TBC1D5: variants seen among roughly 807,000 people sequenced by gnomAD.
TBC1D5 encodes the protein TBC1 domain family member 5.
TBC1D5 carries 75 observed loss-of-function variants against 100.3 expected under a neutral mutation model. The observed-to-expected ratio is 0.75, with a 90% CI of 0.62 to 0.91. The LOEUF (loss-of-function observed/expected upper bound fraction) is 0.91, where lower values mean the gene tolerates loss of function less well. Among genes scored for constraint, TBC1D5 ranks in the 40% least tolerant of loss-of-function variants. The pLI is 0.00. For synonymous variants in TBC1D5, 323 were observed against 325.6 expected (o/e 0.99, Z 0.09); for missense variants, 910 against 942.4 (o/e 0.97, Z 0.45).
At chr3:17,512,611 T>C (rs1426220963) in intron 2 of TBC1D5, among the ~76,000 whole-genome samples, 1 of 152,188 alleles carries the variant, frequency 6.6e-6, no homozygotes, top group Non-Finnish European at 1.5e-5. Context: ...GAAGAATTAT[T>C]TTAAATAAAA....
At chr3:17,214,328 C>G in exon 18 of TBC1D5, 1 of 1,613,222 alleles carries the variant, frequency 6.2e-7, no homozygotes, top group Non-Finnish European at 8.5e-7. Context: ...TCCAGGCAAA[C>G]TCTCAACGCT....
chr3:17,616,837 T>C (rs1355550940), intron 2 of TBC1D5, among the ~76,000 whole-genome samples: 1 of 152,210 alleles, frequency 6.6e-6, no homozygotes, highest in Non-Finnish European at 1.5e-5. Flanking sequence ...CTTGACTCTT[T>C]ATCCAATTTG....
chr3:17,331,169 G>A (rs576486684), intron 13 of TBC1D5, among the ~76,000 whole-genome samples: 3 of 152,244 alleles, frequency 2.0e-5, no homozygotes, highest in Non-Finnish European at 4.4e-5. Context: ...TGAGGACAGA[G>A]TTTAAACTCT....
intron 1 of TBC1D5, among the ~76,000 whole-genome samples, chr3:17,690,057 C>G (rs1023017288): frequency 2.6e-5 from 4 of 151,646 alleles, no homozygotes; most frequent in African/African-American, 9.7e-5. Context: ...CATAACATGG[C>G]CAACAAAAAA....
At chr3:17,330,398 T>C (rs2086721177) in intron 13 of TBC1D5, among the ~76,000 whole-genome samples, 2 of 152,150 alleles carry the variant, frequency 1.3e-5, no homozygotes, top group East Asian at 1.9e-4. Flanking sequence ...ATCTCAGTGG[T>C]TGCCCTCAAT....
chr3:17,377,814 T>C (rs1460877698), intron 9 of TBC1D5, among the ~76,000 whole-genome samples: 1 of 151,952 alleles, frequency 6.6e-6, no homozygotes, highest in African/African-American at 2.4e-5. Context: ...TAGTTATATT[T>C]TTACAAAACA....
intron 13 of TBC1D5, among the ~76,000 whole-genome samples, chr3:17,366,640 G>A (rs2092149693): frequency 6.6e-6 from 1 of 151,978 alleles, no homozygotes; most frequent in Non-Finnish European, 1.5e-5. Flanking sequence ...ATTGTTAACT[G>A]TGTTTAGGAA....
chr3:17,481,358 C>A (rs1280823939), intron 3 of TBC1D5, among the ~76,000 whole-genome samples: 1 of 152,190 alleles, frequency 6.6e-6, no homozygotes, highest in Non-Finnish European at 1.5e-5. Flanking sequence ...CACAGCCTGC[C>A]AAGCCAAGTG....
intron 2 of TBC1D5, among the ~76,000 whole-genome samples, chr3:17,610,713 T>C (rs1200446029): frequency 6.6e-6 from 1 of 152,118 alleles, no homozygotes; most frequent in African/African-American, 2.4e-5. Context: ...AGAAAGTCGC[T>C]CCTTTAAACT....
At chr3:17,467,646 G>A (rs1296211729) in intron 3 of TBC1D5, among the ~76,000 whole-genome samples, 2 of 151,990 alleles carry the variant, frequency 1.3e-5, no homozygotes, top group African/African-American at 2.4e-5. Flanking sequence ...AGGCTAAGGC[G>A]GGCAGATCAC....
intron 1 of TBC1D5, among the ~76,000 whole-genome samples, chr3:17,711,919 G>T (rs762165578): frequency 6.6e-6 from 1 of 152,160 alleles, no homozygotes; most frequent in Non-Finnish European, 1.5e-5. Flanking sequence ...CATTTTACAA[G>T]ATAATGCCAA....
chr3:17,644,192 C>T (rs773318747), intron 1 of TBC1D5: 1 of 152,014 alleles, frequency 6.6e-6, no homozygotes, highest in Non-Finnish European at 1.5e-5. Context: ...CAATCTAATG[C>T]CAAAAGACTT....
intron 4 of TBC1D5, 24 bp from the exon 5 acceptor site, chr3:17,406,550 G>A (rs1436494128): frequency 1.9e-6 from 3 of 1,587,072 alleles, no homozygotes; most frequent in South Asian, 1.1e-5. Flanking sequence ...ACCAAAGCAT[G>A]AGAATCCTTT....
chr3:17,482,011 G>T (rs372111644), intron 3 of TBC1D5, among the ~76,000 whole-genome samples: 1 of 152,178 alleles, frequency 6.6e-6, no homozygotes. Flanking sequence ...AAAGTGCTGG[G>T]ATTACAGGCA....
In TBC1D5 at chr3:17,486,027, C is replaced by T. The variant is rs1175253473; in HGVS notation, c.97+22447G>A. Among the ~76,000 whole-genome samples the T allele has an allele frequency of 4.6e-5, 7 of 151,858 alleles. No individual in the cohort carries two copies. In the South Asian group the frequency reaches 6.2e-4, roughly 14 times the overall value. On this transcript the variant is annotated intron_variant, in intron 3 of 21. Transcript: ENST00000253692. ...TGTTGTTTCCTGACTTTTTAATGGTCGCCATTCTAACTGGTGTGAGATGGT... is the reference window on the plus strand; with the variant it reads ...TGTTGTTTCCTGACTTTTTAATGGTTGCCATTCTAACTGGTGTGAGATGGT...
chr3:17,318,127 A>G (rs2084926504), intron 13 of TBC1D5, among the ~76,000 whole-genome samples: 1 of 151,298 alleles, frequency 6.6e-6, no homozygotes, highest in South Asian at 2.1e-4. Context: ...TATCGCAAGG[A>G]CAAAAAACCA....
At chr3:17,199,054 A>T (rs866644094) in intron 18 of TBC1D5, among the ~76,000 whole-genome samples, 11 of 152,228 alleles carry the variant, frequency 7.2e-5, no homozygotes, top group South Asian at 2.1e-4. Flanking sequence ...AGTGAAACGC[A>T]AGGTTCCGCA....
chr3:17,339,717 C>T (rs1045867287), intron 13 of TBC1D5, among the ~76,000 whole-genome samples: 1 of 152,156 alleles, frequency 6.6e-6, no homozygotes, highest in Admixed American at 6.5e-5. Context: ...TTACTGCCTA[C>T]AGTATTTTTG....
At chr3:17,656,850 G>A (rs976153886) in intron 1 of TBC1D5, among the ~76,000 whole-genome samples, 5 of 151,540 alleles carry the variant, frequency 3.3e-5, no homozygotes, top group South Asian at 2.1e-4. Context: ...TATAAAATGC[G>A]CATTCGAATG....
Sources: allele counts gnomAD v4.1 joint callset (sites outside exome capture counted in the v4.1 genomes callset), GRCh38; gene constraint gnomAD v4.1.1; transcripts MANE v1.5; gene names NCBI Gene and HGNC (gene_info 2026-07-23, HGNC 2026-07-21).